Variants in EYA2 observed in about 807,000 individuals in gnomAD.
EYA2 encodes EYA transcriptional coactivator and phosphatase 2.
EYA2 carries 31 observed loss-of-function variants against 69.2 expected under a neutral mutation model. The observed-to-expected ratio is 0.45, with a 90% CI of 0.34 to 0.60. EYA2 has a LOEUF of 0.60. Among genes scored for constraint, EYA2 ranks in the 20% least tolerant of loss-of-function variants. The pLI is 0.02. For missense variants in EYA2, 622 were observed against 701.2 expected (o/e 0.89, Z 1.28); for synonymous variants, 257 against 279.4 (o/e 0.92, Z 0.80).
At position 46,976,681 on chromosome 20, in the gene EYA2, G is replaced by A. The variant is rs142436737; in HGVS notation, c.-10-13320G>A. On this transcript the variant is annotated intron_variant, in intron 1 of 15. Transcript: ENST00000327619. ...ATTACAGGCGTGAGCCACCATGCCC[G>A]GACCCTAAGAGAGTTTTTGGATAAA... 3.2e-4 allele frequency among the ~76,000 whole-genome samples: 49 copies of A among 152,278 alleles called. 1 individual carries two copies. In the East Asian group the frequency reaches 4.4e-3, roughly 14 times the overall value.
At chr20:46,923,227 G>A (rs917133305) in intron 1 of EYA2, among the ~76,000 whole-genome samples, 13 of 152,148 alleles carry the variant, frequency 8.5e-5, no homozygotes, top group Admixed American at 7.2e-4. Flanking sequence ...TTAGCCAGGC[G>A]TGGTGGCAGA....
chr20:46,936,116 A>T (rs867145382), intron 1 of EYA2, among the ~76,000 whole-genome samples: 1 of 152,170 alleles, frequency 6.6e-6, no homozygotes, highest in South Asian at 2.1e-4. Context: ...TGCATTTGGG[A>T]TAAGGGCTGG....
intron 1 of EYA2, among the ~76,000 whole-genome samples, chr20:46,913,851 C>T (rs1984766385): frequency 6.6e-6 from 1 of 152,114 alleles, no homozygotes; most frequent in South Asian, 2.1e-4. Context: ...GTGGACCTGG[C>T]ATTGAGCCAG....
At chr20:47,117,882 T>G (rs1030629177) in intron 9 of EYA2, among the ~76,000 whole-genome samples, 2 of 152,228 alleles carry the variant, frequency 1.3e-5, no homozygotes, top group African/African-American at 4.8e-5. Context: ...CAAGCCAAAG[T>G]GCTTAAGGAC....
chr20:46,974,230 G>T lies in EYA2; in HGVS notation c.-10-15771G>T, dbSNP rs1028079579. ...AACTACTATTATTTTCACTTTCATGGTGGTCAGAGCTTCATGGGGGCACAA... is the reference window on the plus strand; with the variant it reads ...AACTACTATTATTTTCACTTTCATGTTGGTCAGAGCTTCATGGGGGCACAA... On this transcript the variant is annotated intron_variant, in intron 1 of 15. Coordinates refer to ENST00000327619, the MANE Select transcript of EYA2 (RefSeq NM_005244.5). 2.6e-5 allele frequency among the ~76,000 whole-genome samples: 4 copies of T among 152,302 alleles called. No homozygotes were observed. In the South Asian group the frequency reaches 6.2e-4, roughly 24 times the overall value.
chr20:47,014,628 A>ATGTGTGTGTGTGTGTG (rs56005987), intron 4 of EYA2, among the ~76,000 whole-genome samples: 5 of 144,708 alleles, frequency 3.5e-5, no homozygotes, highest in East Asian at 4.0e-4. Context: ...TGTGCACAAA[A>ATGTGTGTGTGTGTGTG]TGTGTGTGTG....
chr20:47,020,541 C>A (rs1055559725), intron 5 of EYA2, among the ~76,000 whole-genome samples: 18 of 151,602 alleles, frequency 1.2e-4, no homozygotes, highest in African/African-American at 4.1e-4. Flanking sequence ...TTCTTTTTGG[C>A]TTCTTCTGGT....
intron 1 of EYA2, chr20:46,979,901 G>A (rs976206138): frequency 1.3e-5 from 2 of 152,182 alleles, no homozygotes; most frequent in African/African-American, 4.8e-5. Context: ...AACCTGGCGG[G>A]GAGGGTATTA....
At chr20:46,977,513 G>C (rs1177333154) in intron 1 of EYA2, among the ~76,000 whole-genome samples, 1 of 152,144 alleles carries the variant, frequency 6.6e-6, no homozygotes, top group Non-Finnish European at 1.5e-5. Flanking sequence ...GACAGTCCCT[G>C]GTTCTTTGAA....
chr20:46,956,726 G>A lies in EYA2; in HGVS notation c.-10-33275G>A, dbSNP rs528586796. 3.3e-4 allele frequency among the ~76,000 whole-genome samples: 51 copies of A among 152,268 alleles called. 1 individual carries two copies. In the South Asian group the frequency reaches 0.01, roughly 31 times the overall value. On this transcript the variant is annotated intron_variant, in intron 1 of 15. Transcript: ENST00000327619. Reference sequence around the variant, plus strand: ...GAGGAAGAATATCTGGATTTGGTGGGCACATAAGCATCCCTGCCTGTATTA... The same window carrying A: ...GAGGAAGAATATCTGGATTTGGTGGACACATAAGCATCCCTGCCTGTATTA...
intron 1 of EYA2, among the ~76,000 whole-genome samples, chr20:46,926,839 A>G (rs902681938): frequency 6.6e-6 from 1 of 152,232 alleles, no homozygotes; most frequent in African/African-American, 2.4e-5. Flanking sequence ...GTGTGGGAGC[A>G]GAGTTGCCGT....
At chr20:47,045,720 G>T (rs1297463656) in intron 5 of EYA2, among the ~76,000 whole-genome samples, 1 of 152,208 alleles carries the variant, frequency 6.6e-6, no homozygotes, top group Non-Finnish European at 1.5e-5. Flanking sequence ...TCAGGAATTT[G>T]CAGGGGCCTG....
intron 10 of EYA2, among the ~76,000 whole-genome samples, chr20:47,149,237 G>A (rs2033769951): frequency 1.3e-5 from 2 of 151,998 alleles, no homozygotes; most frequent in African/African-American, 4.8e-5. Flanking sequence ...ATTTAGTTCG[G>A]GCATGAAAAA....
At chr20:46,958,935 G>A (rs879970580) in intron 1 of EYA2, among the ~76,000 whole-genome samples, 2 of 152,220 alleles carry the variant, frequency 1.3e-5, no homozygotes, top group Non-Finnish European at 2.9e-5. Context: ...TCTTTATCCA[G>A]TATATCATTG....
intron 5 of EYA2, among the ~76,000 whole-genome samples, chr20:47,017,759 C>T (rs1983498024): frequency 6.6e-6 from 1 of 152,166 alleles, no homozygotes; most frequent in African/African-American, 2.4e-5. Context: ...CGCTCTCAAG[C>T]AACGGTACTG....
intron 9 of EYA2, among the ~76,000 whole-genome samples, chr20:47,130,333 C>T (rs567304145): frequency 3.9e-4 from 49 of 124,398 alleles, no homozygotes; most frequent in Non-Finnish European, 6.4e-4. Flanking sequence ...GGCACAATCT[C>T]GGCTCACTGC....
At chr20:46,992,731 G>A (rs976905315) in intron 2 of EYA2, among the ~76,000 whole-genome samples, 1 of 152,182 alleles carries the variant, frequency 6.6e-6, no homozygotes, top group African/African-American at 2.4e-5. Flanking sequence ...GAGGGTGGAA[G>A]CGATGAGGCA....
chr20:47,138,983 C>A (rs2033537543), intron 9 of EYA2, among the ~76,000 whole-genome samples: 1 of 152,096 alleles, frequency 6.6e-6, no homozygotes, highest in Admixed American at 6.5e-5. Flanking sequence ...AATCAGAAAA[C>A]TTTTTTTCAC....
chr20:47,005,274 T>C (rs553921389), intron 4 of EYA2, among the ~76,000 whole-genome samples, 190 bp downstream of exon 4: 1 of 152,370 alleles, frequency 6.6e-6, no homozygotes, highest in East Asian at 1.9e-4. Context: ...AGATCCCTTT[T>C]GATGGCAAGA....
Sources: allele counts gnomAD v4.1 joint callset (sites outside exome capture counted in the v4.1 genomes callset), GRCh38; gene constraint gnomAD v4.1.1; transcripts MANE v1.5; gene names NCBI Gene and HGNC (gene_info 2026-07-23, HGNC 2026-07-21).